ABCC1: variants seen among roughly 807,000 people sequenced by gnomAD.
The protein encoded by ABCC1 is multidrug resistance-associated protein 1.
A neutral mutation model predicts 172.9 loss-of-function variants in ABCC1; 83 were observed. That is an observed-to-expected ratio of 0.48 (90% CI 0.40 to 0.58). The LOEUF (loss-of-function observed/expected upper bound fraction) is 0.58. Among genes scored for constraint, ABCC1 ranks in the 20% least tolerant of loss-of-function variants. ABCC1 has a pLI of 0.00. For synonymous variants in ABCC1, 937 were observed against 825.2 expected (o/e 1.14, Z -2.32); for missense variants, 1,817 against 2,002.7 (o/e 0.91, Z 1.77).
chr16:16,142,032 A>G lies in ABCC1; in HGVS notation c.*751A>G, dbSNP rs2046141799. The G allele has an allele frequency of 6.6e-6, 1 of 152,088 alleles. No homozygotes were observed. The highest frequency in any genetic ancestry group is 1.5e-5 in the Non-Finnish European group (1 of 68,050). The allele number at this position is 152,088 out of a possible 1,614,324, so 9.4% of individuals were successfully genotyped here. ...GGACCTGGAACTGTAGGGCCAGGGGATTGTCTCAGGGCCGACGTTCCACCT... is the reference window on the plus strand; with the variant it reads ...GGACCTGGAACTGTAGGGCCAGGGGGTTGTCTCAGGGCCGACGTTCCACCT... On this transcript the variant is annotated 3_prime_UTR_variant, in exon 31 of 31. Coordinates refer to ENST00000399410, the MANE Select transcript of ABCC1 (RefSeq NM_004996.4).
intron 12 of ABCC1, among the ~76,000 whole-genome samples, chr16:16,060,309 G>C (rs529322913): frequency 7.6e-4 from 116 of 152,232 alleles, no homozygotes; most frequent in South Asian, 1.9e-3. Flanking sequence ...TCACTCATGG[G>C]GTTCTTTCCC....
Position 16,044,582 on chromosome 16 carries a change from T to A in ABCC1, c.942T>A (p.Phe314Leu). ...SPQKEWNPSL[F>L]KVLYKTFGPY... The stretch of plus-strand genomic sequence containing the variant: ...AGAAGGAGTGGAACCCCTCTCTGTT[T>A]AAGGTGTTATACAAGACCTTTGGGC... Residue 314 changes from phenylalanine (F) to leucine (L), a missense_variant, in exon 8 of 31, where the codon TTT becomes TTA. This residue lies in a region of ABCC1 where 7 missense variants were observed against 18.2 expected (regional missense o/e 0.39). Transcript: ENST00000399410. The A allele has an allele frequency of 6.2e-7, 1 of 1,614,174 alleles. No homozygotes were observed. The highest frequency in any genetic ancestry group is 2.2e-5 in the East Asian group (1 of 44,878).
In ABCC1 at chr16:15,975,992, G is replaced by A. The variant is rs761709538; in HGVS notation, c.48+26193G>A. ...ACTTAGAACTCAACAGAGGCCAGAC[G>A]CGGTGGCTTACGCCTGTTATCCCAG... On this transcript the variant is annotated intron_variant, in intron 1 of 30. Coordinates refer to ENST00000399410, the MANE Select transcript of ABCC1 (RefSeq NM_004996.4). Among the ~76,000 whole-genome samples, 11 of 152,092 alleles carry A rather than the reference G, an allele frequency of 7.2e-5. 1 individual carries two copies. The highest frequency in any genetic ancestry group is 1.5e-5 in the Non-Finnish European group (1 of 68,018).
chr16:16,057,320 C>T (rs1394884423), intron 12 of ABCC1, among the ~76,000 whole-genome samples: 12 of 149,374 alleles, frequency 8.0e-5, no homozygotes, highest in Non-Finnish European at 1.5e-4. Flanking sequence ...GATCGAGCCA[C>T]GGCACTCCAG....
intron 1 of ABCC1, among the ~76,000 whole-genome samples, chr16:15,950,664 A>G (rs548000033): frequency 1.3e-4 from 20 of 152,124 alleles, no homozygotes; most frequent in African/African-American, 4.8e-4. Context: ...CCGTAATGCG[A>G]TTTGCCTCTT....
In ABCC1 at chr16:16,048,371, G is replaced by A. The variant is rs1207669452; in HGVS notation, c.1380+68G>A. The A allele has an allele frequency of 3.8e-6, 6 of 1,576,550 alleles. No homozygotes were observed. In the Admixed American group the frequency reaches 1.0e-4, roughly 27 times the overall value. On this transcript the variant is annotated intron_variant, in intron 10 of 30. Coordinates refer to ENST00000399410, the MANE Select transcript of ABCC1 (RefSeq NM_004996.4). Reference sequence around the variant, plus strand: ...TTCTACGTGTGGGCAGTGGGCCGAGGGAGTGGGTGTTGATGGTAATGGCAT... The same window carrying A: ...TTCTACGTGTGGGCAGTGGGCCGAGAGAGTGGGTGTTGATGGTAATGGCAT...
chr16:16,005,824 G>A (rs2047509303), intron 1 of ABCC1, among the ~76,000 whole-genome samples: 2 of 152,022 alleles, frequency 1.3e-5, no homozygotes, highest in South Asian at 4.1e-4. Flanking sequence ...AGCCAAGCGG[G>A]GTGACCGCAG....
chr16:16,021,939 C>T (rs996566838), intron 5 of ABCC1, among the ~76,000 whole-genome samples: 3 of 152,146 alleles, frequency 2.0e-5, no homozygotes, highest in African/African-American at 7.2e-5. Flanking sequence ...TCTCTCTGTC[C>T]CAGACCTGAG....
At chr16:16,034,323 G>A (rs1458946780) in intron 6 of ABCC1, among the ~76,000 whole-genome samples, 1 of 151,910 alleles carries the variant, frequency 6.6e-6, no homozygotes, top group African/African-American at 2.4e-5. Context: ...CACCATGCCC[G>A]GTCTCATCCT....
At chr16:16,024,540 A>T (rs1260457734) in intron 5 of ABCC1, among the ~76,000 whole-genome samples, 2 of 152,018 alleles carry the variant, frequency 1.3e-5, no homozygotes, top group African/African-American at 4.8e-5. Flanking sequence ...TTTGGTAGAG[A>T]TGGGGTTTCT....
chr16:16,089,576 A>T (rs960372204), intron 18 of ABCC1, among the ~76,000 whole-genome samples: 1 of 151,658 alleles, frequency 6.6e-6, no homozygotes, highest in Non-Finnish European at 1.5e-5. Flanking sequence ...GAAGAAAAAA[A>T]TTAAGCCATT....
rs562975483 is a variant in ABCC1 at position 16,029,259 on chromosome 16, A to G, written c.616-3850A>G. ...TTTATTTTTGAGACAGGGTCTCACT[A>G]TTACCCAGGCTGGAGTGCGATGGCA... On this transcript the variant is annotated intron_variant, in intron 5 of 30. Transcript: ENST00000399410. Among the ~76,000 whole-genome samples, 40 of 152,106 alleles carry G rather than the reference A, an allele frequency of 2.6e-4. No individual in the cohort carries two copies. In the South Asian group the frequency reaches 7.3e-3, roughly 28 times the overall value.
intron 22 of ABCC1, 57 bp downstream of exon 22, chr16:16,111,639 A>C: frequency 6.7e-7 from 1 of 1,498,092 alleles, no homozygotes; most frequent in Non-Finnish European, 9.1e-7. Flanking sequence ...GGCTTTGTCT[A>C]ATTATAGAAA....
intron 1 of ABCC1, among the ~76,000 whole-genome samples, chr16:15,966,756 T>A (rs2046252885): frequency 6.6e-6 from 1 of 151,756 alleles, no homozygotes; most frequent in Admixed American, 6.6e-5. Flanking sequence ...CCTCAAGCGA[T>A]CTTCCTGCCT....
chr16:15,987,954 AT>A (rs2046778983), intron 1 of ABCC1, among the ~76,000 whole-genome samples: 1 of 151,696 alleles, frequency 6.6e-6, no homozygotes, highest in Non-Finnish European at 1.5e-5. Flanking sequence ...TCCATCCTGT[AT>A]TTGTTTATTT....
In ABCC1 at chr16:16,036,602, A is replaced by T; in HGVS notation, c.808A>T (p.Lys270Ter). Reference sequence around the variant, plus strand: ...GAAGAAGGAATGCGCCAAGACTAGGAAGTAAGTGTGAGTTTCCTTGTCCTC... The same window carrying T: ...GAAGAAGGAATGCGCCAAGACTAGGTAGTAAGTGTGAGTTTCCTTGTCCTC... ...NWKKECAKTRKQPVKVVYSSK... is the reference protein window; with the variant it reads ...NWKKECAKTR The change falls in exon 7 of 31, where the codon AAG becomes TAG. Residue 270 changes from lysine (K) to a stop codon, truncating the protein, a stop_gained and splice_region_variant. Transcript: ENST00000399410. LOFTEE classifies it high-confidence loss of function. The T allele has an allele frequency of 6.2e-7, 1 of 1,613,626 alleles. No individual in the cohort carries two copies. Among genetic ancestry groups the T allele is most frequent in the Non-Finnish European group, 8.5e-7 (1 of 1,179,728 alleles).
chr16:15,994,662 A>T (rs919461869), intron 1 of ABCC1, among the ~76,000 whole-genome samples: 2 of 152,148 alleles, frequency 1.3e-5, no homozygotes, highest in African/African-American at 4.8e-5. Flanking sequence ...GAGAAAATTC[A>T]AACAGTACGA....
At chr16:16,063,709 C>T (rs557795639) in intron 12 of ABCC1, among the ~76,000 whole-genome samples, 8 of 152,264 alleles carry the variant, frequency 5.3e-5, no homozygotes, top group African/African-American at 9.6e-5. Context: ...GGAATAACAA[C>T]GTCTCTGACT....
chr16:16,060,431 C>G (rs1219179671), intron 12 of ABCC1, among the ~76,000 whole-genome samples: 1 of 152,194 alleles, frequency 6.6e-6, no homozygotes, highest in Non-Finnish European at 1.5e-5. Flanking sequence ...AAGATCACTT[C>G]CAGCTCCAAT....
Sources: gnomAD v4.1 joint callset for allele counts (sites outside exome capture counted in the v4.1 genomes callset) on GRCh38, gnomAD v4.1.1 for gene constraint, gnomAD v4.1.1 regional missense constraint, MANE v1.5 for transcripts, NCBI Gene and HGNC (gene_info 2026-07-23, HGNC 2026-07-21) for gene names.